The following PPP1R1A variants were observed in gnomAD, a reference collection of about 807,000 sequenced individuals.
PPP1R1A encodes protein phosphatase 1 regulatory inhibitor subunit 1A.
Under a neutral mutation model 23.9 loss-of-function variants are expected in PPP1R1A, and 18 were observed. That is an observed-to-expected ratio of 0.75 (90% CI 0.52 to 1.12). The LOEUF (loss-of-function observed/expected upper bound fraction) is 1.12, where lower values mean the gene tolerates loss of function less well. PPP1R1A is among the 50% of genes most tolerant of loss of function. The pLI, the probability that PPP1R1A is intolerant of heterozygous loss-of-function variation, is 0.00. For missense variants in PPP1R1A, 207 were observed against 223.8 expected (o/e 0.92, Z 0.48); for synonymous variants, 84 against 80.7 (o/e 1.04, Z -0.22).
chr12:54,580,442 C>A, intron 6 of PPP1R1A, 50 bp from the exon 7 acceptor site: 1 of 1,551,388 alleles, frequency 6.4e-7, no homozygotes, highest in South Asian at 1.1e-5. Context: ...GCCAGAGGGT[C>A]ATTTTGTCCC....
At chr12:54,584,350 T>C in intron 1 of PPP1R1A, 30 bp from the exon 2 acceptor site, 8 of 1,560,004 alleles carry the variant, frequency 5.1e-6, no homozygotes, top group Non-Finnish European at 6.1e-6. Context: ...GGGGAAGAGG[T>C]CAAGTACACG....
chr12:54,584,231 G>T, intron 2 of PPP1R1A, 29 bp downstream of exon 2: 1 of 1,562,222 alleles, frequency 6.4e-7, no homozygotes, highest in Non-Finnish European at 8.7e-7. Flanking sequence ...TGGCCCCCAC[G>T]CCCTTCAGCA....
At chr12:54,583,089 T>A (rs1054845841) in intron 3 of PPP1R1A, 122 bp downstream of exon 3, 15 of 1,044,530 alleles carry the variant, frequency 1.4e-5, no homozygotes, top group Non-Finnish European at 1.9e-5. Flanking sequence ...ATTTGGGGGG[T>A]AGAGGTACAG....
Position 54,579,886 on chromosome 12 carries a change from T to C in PPP1R1A, c.*501A>G, listed in dbSNP as rs1044608678. The C allele has an allele frequency of 4.0e-5, 39 of 986,494 alleles. No homozygotes were observed. The African/African-American group carries it at 6.5e-4, about 16-fold the overall frequency. The allele number at this position is 986,494 out of a possible 1,614,324, so 61.1% of individuals were successfully genotyped here. On this transcript the variant is annotated 3_prime_UTR_variant, in exon 7 of 7. Transcript: ENST00000257905. Reference sequence around the variant, plus strand: ...GTGCCATGGTGCAGTTCCCCTTTTGTCCAGCAGATGGAGCCCACCGCACAG... The same window carrying C: ...GTGCCATGGTGCAGTTCCCCTTTTGCCCAGCAGATGGAGCCCACCGCACAG...
intron 4 of PPP1R1A, 118 bp from the exon 5 acceptor site, chr12:54,582,249 T>G: frequency 9.2e-7 from 1 of 1,091,460 alleles, no homozygotes; most frequent in Non-Finnish European, 1.3e-6. Context: ...GTGTTTGACT[T>G]TCCCATCCAC....
At position 54,581,071 on chromosome 12, in the gene PPP1R1A, T is replaced by G; in HGVS notation, c.404-21A>C. The stretch of plus-strand genomic sequence containing the variant: ...AGTTTCTGGGGAGGGAACATAGGGG[T>G]GGGAGGAAGAGGTGGCATTCATAAA... On this transcript the variant is annotated intron_variant, in intron 5 of 6. Transcript: ENST00000257905. This position sits in a 1 kb window ranked among gnomAD's most constrained non-coding sequence, Gnocchi z 4.1. 1 of 1,522,696 alleles carries G rather than the reference T, an allele frequency of 6.6e-7. No homozygotes were observed. Among genetic ancestry groups the G allele is most frequent in the Non-Finnish European group, 9.1e-7 (1 of 1,098,210 alleles). The allele number at this position is 1,522,696 out of a possible 1,614,324, so 94.3% of individuals were successfully genotyped here.
intron 3 of PPP1R1A, 71 bp from the exon 4 acceptor site, chr12:54,582,866 G>T: frequency 6.9e-7 from 1 of 1,451,200 alleles, no homozygotes; most frequent in Non-Finnish European, 9.5e-7. Flanking sequence ...TTGCCCTCTA[G>T]CCCCCCATGC....
chr12:54,584,772 G>T (rs917992031), intron 1 of PPP1R1A, among the ~76,000 whole-genome samples: 1 of 152,004 alleles, frequency 6.6e-6, no homozygotes, highest in Admixed American at 6.5e-5. Context: ...GTGAACCAGG[G>T]TGAACATCCC....
Position 54,584,265 on chromosome 12 carries a change from G to C in PPP1R1A, c.140C>G (p.Ser47Cys), listed in dbSNP as rs774952956. 6.2e-7 allele frequency: 1 copy of C among 1,601,500 alleles called. No individual in the cohort carries two copies. Among genetic ancestry groups the C allele is most frequent in the South Asian group, 1.1e-5 (1 of 88,070 alleles). Residue 47 changes from serine to cysteine, a missense_variant, in exon 2 of 7, where the codon TCC (serine) becomes TGC (cysteine). By Grantham distance (112) the Ser-to-Cys change is moderately radical (BLOSUM62 -1). Transcript: ENST00000257905. ...CAACCTATCCCTTGGCTTACCTGGG[G>C]ATGACTGGTCACTGGTCAGCACGAG... ...ATLVLTSDQSSPEIDEDRIPN... is the reference protein window; with the variant it reads ...ATLVLTSDQSCPEIDEDRIPN...
In PPP1R1A at chr12:54,581,213, C is replaced by T. The variant is rs1311024887; in HGVS notation, c.404-163G>A. ...AGACCAACAGGGTTTTCTTTGATCACAATTACTACTATATGTTCACTTTTA... is the reference window on the plus strand; with the variant it reads ...AGACCAACAGGGTTTTCTTTGATCATAATTACTACTATATGTTCACTTTTA... On this transcript the variant is annotated intron_variant, in intron 5 of 6. Transcript: ENST00000257905. The surrounding 1 kb of genome is among the most constrained non-coding windows in gnomAD (Gnocchi z 4.1). Among the ~76,000 whole-genome samples, 2 of 152,194 alleles carry T rather than the reference C, an allele frequency of 1.3e-5. No individual in the cohort carries two copies. The highest frequency in any genetic ancestry group is 2.9e-5 in the Non-Finnish European group (2 of 68,034).
Position 54,579,765 on chromosome 12 carries a change from C to A in PPP1R1A, c.*622G>T. On this transcript the variant is annotated 3_prime_UTR_variant, in exon 7 of 7. Transcript: ENST00000257905. ...CCCACAGCTGGAAGAGGGAACACATCCTGAAGCTTGGGAATCCAAAAGGAA... is the reference window on the plus strand; with the variant it reads ...CCCACAGCTGGAAGAGGGAACACATACTGAAGCTTGGGAATCCAAAAGGAA... 1 of 985,660 alleles carries A rather than the reference C, an allele frequency of 1.0e-6. No homozygotes were observed. The allele number at this position is 985,660 out of a possible 1,614,324, so 61.1% of individuals were successfully genotyped here. A position where few individuals can be genotyped will look rare whatever the true frequency, so the allele number is the denominator to read the frequency against.
intron 3 of PPP1R1A, 29 bp from the exon 4 acceptor site, chr12:54,582,824 G>A (rs760547376): frequency 7.7e-5 from 124 of 1,605,116 alleles, no homozygotes; most frequent in Middle Eastern, 2.0e-4. Context: ...ACAGATGGGC[G>A]CCAGCCCCCC....
In PPP1R1A at chr12:54,579,337, C is replaced by CATATAT. The variant is rs3036606; in HGVS notation, c.*1044_*1049dup. The CATATAT allele has an allele frequency of 6.5e-5, 51 of 787,920 alleles. No homozygotes were observed. The African/African-American group carries it at 9.1e-4, about 14-fold the overall frequency. The allele number at this position is 787,920 out of a possible 1,614,324, so 48.8% of individuals were successfully genotyped here. A position where few individuals can be genotyped will look rare whatever the true frequency, so the allele number is the denominator to read the frequency against. On this transcript the variant is annotated 3_prime_UTR_variant, in exon 7 of 7. Transcript: ENST00000257905. ...AAAATCTGGGTGAGGCGTTCTCCCT[C>CATATAT]ATATATATATATATATATATTTAGG...
Position 54,579,821 on chromosome 12 carries a change from G to C in PPP1R1A, c.*566C>G. On this transcript the variant is annotated 3_prime_UTR_variant, in exon 7 of 7. Coordinates refer to ENST00000257905, the MANE Select transcript of PPP1R1A (RefSeq NM_006741.4). ...CTGGGGCTTGGAGGGCAGGCGAGGA[G>C]GTATCGGCACACCACCATACCCTCT... 1 of 985,644 alleles carries C rather than the reference G, an allele frequency of 1.0e-6. No individual in the cohort carries two copies. Among genetic ancestry groups the C allele is most frequent in the African/African-American group, 1.7e-5 (1 of 57,336 alleles). The allele number at this position is 985,644 out of a possible 1,614,324, so 61.1% of individuals were successfully genotyped here.
At chr12:54,587,588 A>G (rs1957922370) in intron 1 of PPP1R1A, among the ~76,000 whole-genome samples, 1 of 152,130 alleles carries the variant, frequency 6.6e-6, no homozygotes, top group Non-Finnish European at 1.5e-5. Flanking sequence ...AGACCAGGCT[A>G]GGAGGCTGGG....
intron 1 of PPP1R1A, among the ~76,000 whole-genome samples, chr12:54,587,912 T>C (rs985058866): frequency 2.6e-5 from 4 of 152,154 alleles, no homozygotes; most frequent in Middle Eastern, 3.4e-3. Context: ...TGGCCCCCAG[T>C]TAGGAGGGGA....
chr12:54,580,016 G>T lies in PPP1R1A; in HGVS notation c.*371C>A. The T allele has an allele frequency of 9.9e-7, 1 of 1,013,192 alleles. No homozygotes were observed. The highest frequency in any genetic ancestry group is 1.2e-6 in the Non-Finnish European group (1 of 846,964). 62.8% of individuals were successfully genotyped at this position (1,013,192 alleles called of 1,614,324 possible). On this transcript the variant is annotated 3_prime_UTR_variant, in exon 7 of 7. Transcript: ENST00000257905. The stretch of plus-strand genomic sequence containing the variant: ...CCTCAATAAGAAAAGAGAACCTGGG[G>T]CTTTTCTTCCTTCTTGGCACCCTGG...
rs1207922310 is a variant in PPP1R1A at position 54,580,014 on chromosome 12, G to A, written c.*373C>T. ...TTCCTCAATAAGAAAAGAGAACCTG[G>A]GGCTTTTCTTCCTTCTTGGCACCCT... On this transcript the variant is annotated 3_prime_UTR_variant, in exon 7 of 7. Transcript: ENST00000257905. 9.9e-7 allele frequency: 1 copy of A among 1,012,590 alleles called. No homozygotes were observed. The highest frequency in any genetic ancestry group is 4.9e-4 in the Middle Eastern group (1 of 2,034). 62.7% of individuals were successfully genotyped at this position (1,012,590 alleles called of 1,614,324 possible). A position where few individuals can be genotyped will look rare whatever the true frequency, so the allele number is the denominator to read the frequency against.
At chr12:54,584,216 C>CA in intron 2 of PPP1R1A, 44 bp downstream of exon 2, 1 of 1,512,286 alleles carries the variant, frequency 6.6e-7, no homozygotes, top group Non-Finnish European at 9.0e-7. Flanking sequence ...GACCTGCTGC[C>CA]ATAGTGGCCC....
Sources: gnomAD v4.1 joint callset for allele counts (sites outside exome capture counted in the v4.1 genomes callset) on GRCh38, gnomAD v4.1.1 for gene constraint, Gnocchi (gnomAD v3.1) non-coding constraint, MANE v1.5 for transcripts, NCBI Gene and HGNC (gene_info 2026-07-23, HGNC 2026-07-21) for gene names.